TRPV2: variants seen among roughly 807,000 people sequenced by gnomAD.
The protein encoded by TRPV2 is OTRPC2.
A neutral mutation model predicts 91.0 loss-of-function variants in TRPV2; 58 were observed. That is an observed-to-expected ratio of 0.64 (90% CI 0.52 to 0.79). The LOEUF (loss-of-function observed/expected upper bound fraction) is 0.79, where lower values mean the gene tolerates loss of function less well. Among genes scored for constraint, TRPV2 ranks in the 30% least tolerant of loss-of-function variants. The pLI is 0.00. For missense variants in TRPV2, 807 were observed against 969.6 expected (o/e 0.83, Z 2.23); for synonymous variants, 417 against 414.8 (o/e 1.01, Z -0.06).
intron 2 of TRPV2, 143 bp downstream of exon 2, chr17:16,418,011 T>A: frequency 5.0e-6 from 4 of 804,656 alleles, no homozygotes; most frequent in Non-Finnish European, 7.8e-6. Context: ...TGGTGGCTCC[T>A]GGGCCCGACA....
rs1055264913 is a variant in TRPV2 at position 16,423,994 on chromosome 17, A to AT, written c.924+239dup. Among the ~76,000 whole-genome samples, 222 of 147,644 alleles carry AT rather than the reference A, an allele frequency of 1.5e-3. 1 individual carries two copies. In the East Asian group the frequency reaches 0.02, roughly 14 times the overall value. ...ATATATTACATTATAAAACATTGAGATTTTTTTTTTTTGAGACGGTGTTTC... is the reference window on the plus strand; with the variant it reads ...ATATATTACATTATAAAACATTGAGATTTTTTTTTTTTTGAGACGGTGTTTC... On this transcript the variant is annotated intron_variant, in intron 5 of 14. Transcript: ENST00000338560.
chr17:16,432,443 T>A, intron 12 of TRPV2, 143 bp downstream of exon 12: 1 of 706,740 alleles, frequency 1.4e-6, no homozygotes, highest in Non-Finnish European at 2.2e-6. Flanking sequence ...CTCTTCCTTT[T>A]TTTTTTTTTT....
chr17:16,436,266 C>T (rs546914552), intron 14 of TRPV2, among the ~76,000 whole-genome samples: 1 of 152,340 alleles, frequency 6.6e-6, no homozygotes, highest in South Asian at 2.1e-4. Flanking sequence ...ATGCAGCCCA[C>T]GCTACACAAT....
chr17:16,419,963 T>C, intron 2 of TRPV2, 152 bp from the exon 3 acceptor site: 1 of 1,138,078 alleles, frequency 8.8e-7, no homozygotes, highest in South Asian at 1.7e-5. Flanking sequence ...TCTAGGAGGA[T>C]AGAGGCCCTC....
chr17:16,420,104 A>G lies in TRPV2; in HGVS notation c.201-11A>G, dbSNP rs1329884131. 1 of 1,610,664 alleles carries G rather than the reference A, an allele frequency of 6.2e-7. No individual in the cohort carries two copies. The highest frequency in any genetic ancestry group is 8.5e-7 in the Non-Finnish European group (1 of 1,177,528). ...TTCTCCAGCATGAGTCACAAACCAC[A>G]TCCTCCACAGTCAGCCGGATCCAAA... On this transcript the variant is annotated splice_polypyrimidine_tract_variant and intron_variant, in intron 2 of 14. Transcript: ENST00000338560.
Position 16,423,641 on chromosome 17 carries a change from G to T in TRPV2, c.798G>T (p.Val266=), listed in dbSNP as rs1180459272. 1.9e-6 allele frequency: 3 copies of T among 1,614,060 alleles called. No homozygotes were observed. Among genetic ancestry groups the T allele is most frequent in the Non-Finnish European group, 2.5e-6 (3 of 1,180,046 alleles). Residue 266 remains valine (V), a synonymous_variant, in exon 5 of 15, where the codon GTG becomes GTT. Coordinates refer to ENST00000338560, the MANE Select transcript of TRPV2 (RefSeq NM_016113.5). ...ACTCAGCTGAGAACATTGCACTGGT[G>T]ACCAGCATGTATGATGGGCTCCTCC... ...SDNSAENIAL[V]TSMYDGLLQA...
intron 10 of TRPV2, 46 bp downstream of exon 10, chr17:16,429,028 GC>G: frequency 6.3e-7 from 1 of 1,599,688 alleles, no homozygotes. Context: ...GCCTCATCAG[GC>G]AAGAAGAGCC....
Position 16,426,309 on chromosome 17 carries a change from C to A in TRPV2, c.1095+40C>A. 1.2e-6 allele frequency: 2 copies of A among 1,604,840 alleles called. No individual in the cohort carries two copies. Among genetic ancestry groups the A allele is most frequent in the Non-Finnish European group, 1.7e-6 (2 of 1,173,728 alleles). On this transcript the variant is annotated intron_variant, in intron 6 of 14. Transcript: ENST00000338560. This position sits in a 1 kb window ranked among gnomAD's most constrained non-coding sequence, Gnocchi z 6.0. ...GCATGGGTGCACGCAGAGGACCCAGCAGAGTTTCCAGCAAGGTCCACAAAT... is the reference window on the plus strand; with the variant it reads ...GCATGGGTGCACGCAGAGGACCCAGAAGAGTTTCCAGCAAGGTCCACAAAT...
rs534085448 is a variant in TRPV2 at position 16,421,647 on chromosome 17, G to A, written c.335-952G>A. Among the ~76,000 whole-genome samples the A allele has an allele frequency of 8.6e-5, 13 of 150,302 alleles. No individual in the cohort carries two copies. In the South Asian group the frequency reaches 1.7e-3, roughly 20 times the overall value. ...AGCAATTCTCCTGCCTCAGCCTCCCGAGTAGCTGGGATTACAGGCGCCCAG... is the reference window on the plus strand; with the variant it reads ...AGCAATTCTCCTGCCTCAGCCTCCCAAGTAGCTGGGATTACAGGCGCCCAG... On this transcript the variant is annotated intron_variant, in intron 3 of 14. Transcript: ENST00000338560.
intron 2 of TRPV2, among the ~76,000 whole-genome samples, chr17:16,419,123 T>C (rs991631184): frequency 6.6e-6 from 1 of 152,156 alleles, no homozygotes. Flanking sequence ...AGCTGGGACC[T>C]GAGGGTCTAC....
Position 16,436,804 on chromosome 17 carries a change from C to G in TRPV2, c.2210C>G (p.Pro737Arg). ...GAGVPRTLEN[P>R]VLASPPKEDE... ...CTGTTTACAGGAACTCTCGAGAACC[C>G]TGTCCTGGCTTCCCCTCCCAAGGAG... The change falls in exon 15 of 15, where the codon CCT becomes CGT. Residue 737 changes from proline to arginine, a missense_variant. Transcript: ENST00000338560. The G allele has an allele frequency of 6.2e-7, 1 of 1,614,008 alleles. No homozygotes were observed. Among genetic ancestry groups the G allele is most frequent in the Non-Finnish European group, 8.5e-7 (1 of 1,179,880 alleles).
In TRPV2 at chr17:16,426,950, C is replaced by T. The variant is rs1356727195; in HGVS notation, c.1251+73C>T. The T allele has an allele frequency of 6.5e-7, 1 of 1,534,204 alleles. No individual in the cohort carries two copies. The highest frequency in any genetic ancestry group is 8.8e-7 in the Non-Finnish European group (1 of 1,133,366). ...GAAACAACCCTGGGGGAAGATGGGG[C>T]AGTAATAGTGCTGAGGCATGGGCTG... On this transcript the variant is annotated intron_variant, in intron 7 of 14. Transcript: ENST00000338560. This position sits in a 1 kb window ranked among gnomAD's most constrained non-coding sequence, Gnocchi z 6.0.
intron 5 of TRPV2, among the ~76,000 whole-genome samples, chr17:16,425,807 C>T (rs2093380257): frequency 6.6e-6 from 1 of 152,190 alleles, no homozygotes; most frequent in Non-Finnish European, 1.5e-5. Context: ...GCCTCAAGGA[C>T]CCCAGGGCTA....
At position 16,432,155 on chromosome 17, in the gene TRPV2, A is replaced by G. The variant is rs1381892642; in HGVS notation, c.1844A>G (p.Gln615Arg). The G allele has an allele frequency of 5.0e-6, 8 of 1,614,112 alleles. No individual in the cohort carries two copies. The highest frequency in any genetic ancestry group is 6.8e-6 in the Non-Finnish European group (8 of 1,180,046). Residue 615 changes from glutamine (Q) to arginine (R), a missense_variant, in exon 12 of 15, where the codon CAG becomes CGG. Transcript: ENST00000338560. ...IGMGELAFQE[Q>R]LHFRGMVLLL... Reference sequence around the variant, plus strand: ...ATGGGCGAGCTGGCCTTCCAGGAGCAGCTGCACTTCCGCGGCATGGTGCTG... The same window carrying G: ...ATGGGCGAGCTGGCCTTCCAGGAGCGGCTGCACTTCCGCGGCATGGTGCTG...
intron 5 of TRPV2, among the ~76,000 whole-genome samples, chr17:16,425,395 G>T (rs1047418129): frequency 6.6e-6 from 1 of 152,186 alleles, no homozygotes; most frequent in African/African-American, 2.4e-5. Flanking sequence ...TAAACATGAG[G>T]CAGCCCCCAC....
At chr17:16,419,438 C>T (rs1436652861) in intron 2 of TRPV2, 3 of 470,634 alleles carry the variant, frequency 6.4e-6, no homozygotes, top group East Asian at 6.9e-5. Context: ...AAATTTCTTG[C>T]TGCCAAGCCT....
In TRPV2 at chr17:16,422,826, A is replaced by G. The variant is rs779520742; in HGVS notation, c.562A>G (p.Asn188Asp). 2 of 1,575,052 alleles carry G rather than the reference A, an allele frequency of 1.3e-6. No individual in the cohort carries two copies. Among genetic ancestry groups the G allele is most frequent in the South Asian group, 2.3e-5 (2 of 86,508 alleles). The change falls in exon 4 of 15, where the codon AAT becomes GAT. Residue 188 changes from asparagine to aspartate, a missense_variant. Asn to Asp is a conservative substitution (Grantham distance 23). Coordinates refer to ENST00000338560, the MANE Select transcript of TRPV2 (RefSeq NM_016113.5). ...CVKLLVENGA[N>D]VHARACGRFF... ...GAAGCTCCTGGTGGAGAATGGGGCC[A>G]ATGTGCATGCCCGGGCCTGCGGCCG...
At chr17:16,416,893 A>G (rs563684382) in intron 1 of TRPV2, among the ~76,000 whole-genome samples, 19 of 152,310 alleles carry the variant, frequency 1.2e-4, no homozygotes, top group Middle Eastern at 3.4e-3. Context: ...GACTGGCCCC[A>G]TCCCAGTCAT....
At chr17:16,418,417 T>C (rs554626034) in intron 2 of TRPV2, among the ~76,000 whole-genome samples, 5 of 152,226 alleles carry the variant, frequency 3.3e-5, no homozygotes, top group Non-Finnish European at 5.9e-5. Context: ...AGAGTCCCAC[T>C]TCCAGTCCTG....
Sources: gnomAD v4.1 joint callset for allele counts (sites outside exome capture counted in the v4.1 genomes callset) on GRCh38, gnomAD v4.1.1 for gene constraint, Gnocchi (gnomAD v3.1) non-coding constraint, MANE v1.5 for transcripts, NCBI Gene and HGNC (gene_info 2026-07-23, HGNC 2026-07-21) for gene names.